The following DMD variants were observed in gnomAD, a reference collection of about 807,000 sequenced individuals.
DMD encodes the protein mutant dystrophin.
In DMD, 63 loss-of-function variants were observed where a neutral mutation model predicts 330.1. That is an observed-to-expected ratio of 0.19 (90% CI 0.16 to 0.24). DMD has a LOEUF of 0.24. Among genes scored for constraint, DMD ranks in the 10% least tolerant of loss-of-function variants. The pLI, the probability that DMD is intolerant of heterozygous loss-of-function variation, is 1.00. For missense variants in DMD, 3,344 were observed against 2,684.1 expected, an observed-to-expected ratio of 1.25 and a Z score of -5.43; for synonymous variants, 1,223 against 959.8, an observed-to-expected ratio of 1.27 and a Z score of -5.07.
chrX:32,309,094 T>C (rs185595085), intron 42 of DMD, among the ~76,000 whole-genome samples: 280 of 111,377 alleles, frequency 2.5e-3, no homozygotes, highest in African/African-American at 8.5e-3. Context: ...TATTTTACTG[T>C]GTAATTTTAT....
intron 13 of DMD, among the ~76,000 whole-genome samples, chrX:32,593,085 C>A (rs1383236198): frequency 1.8e-5 from 2 of 112,853 alleles, no homozygotes. Flanking sequence ...GCCAGTAGTG[C>A]AAGCCAAGCA....
intron 2 of DMD, among the ~76,000 whole-genome samples, chrX:32,957,563 G>A (rs1450791021): frequency 5.4e-5 from 6 of 111,636 alleles, no homozygotes; most frequent in Non-Finnish European, 1.1e-4. Context: ...AAACAACTAG[G>A]CCAAAGTAAA....
Position 32,006,882 on chromosome X carries a change from C to A in DMD, c.6439-38368G>T, listed in dbSNP as rs774637729. Among the ~76,000 whole-genome samples, 6 of 108,903 alleles carry A rather than the reference C, an allele frequency of 5.5e-5. No individual in the cohort carries two copies. The East Asian group carries it at 1.8e-3, about 32-fold the overall frequency. The allele number at this position is 108,903 out of a possible 115,157, so 94.6% of individuals were successfully genotyped here. A position where few individuals can be genotyped will look rare whatever the true frequency, so the allele number is the denominator to read the frequency against. ...CACATATACACCATGGAATACTATG[C>A]AGCCATAAAAAAATGATGAGTTCAT... On this transcript the variant is annotated intron_variant, in intron 44 of 78. Transcript: ENST00000357033.
intron 47 of DMD, among the ~76,000 whole-genome samples, chrX:31,886,789 T>C (rs916828326): frequency 5.4e-5 from 6 of 111,876 alleles, no homozygotes; most frequent in African/African-American, 1.6e-4. Flanking sequence ...TAAAACATTT[T>C]AGTGCACTTA....
At chrX:33,200,825 A>G (rs1214927800) in intron 1 of DMD, among the ~76,000 whole-genome samples, 1 of 109,697 alleles carries the variant, frequency 9.1e-6, no homozygotes, top group Non-Finnish European at 1.9e-5. Context: ...TTTTAAATAA[A>G]TGTTAAAATT....
chrX:31,861,638 CTGTGTGTGTGTG>C (rs1556949987), intron 48 of DMD, among the ~76,000 whole-genome samples: 1 of 83,106 alleles, frequency 1.2e-5, no homozygotes, highest in Non-Finnish European at 2.2e-5. Context: ...AAATAATCAC[CTGTGTGTGTGTG>C]TGTGTGTGTG....
chrX:33,302,006 C>T (rs1388567709), intron 1 of DMD, among the ~76,000 whole-genome samples: 2 of 111,401 alleles, frequency 1.8e-5, no homozygotes, highest in African/African-American at 6.5e-5. Context: ...CATTTTTCTA[C>T]ACACATATTT....
chrX:33,093,127 G>A (rs970774616), intron 1 of DMD, among the ~76,000 whole-genome samples: 4 of 111,522 alleles, frequency 3.6e-5, no homozygotes, highest in Admixed American at 1.9e-4. Flanking sequence ...CACCCGCCTC[G>A]GCCTCCCAAA....
At chrX:32,799,419 C>T (rs986849419) in intron 7 of DMD, among the ~76,000 whole-genome samples, 7 of 111,154 alleles carry the variant, frequency 6.3e-5, no homozygotes, top group Admixed American at 4.8e-4. Flanking sequence ...AGAACATTTC[C>T]ATATCATATT....
At chrX:31,556,690 CA>C (rs2074860128) in intron 55 of DMD, among the ~76,000 whole-genome samples, 1 of 110,585 alleles carries the variant, frequency 9.0e-6, no homozygotes. Context: ...ACGTTCGTTC[CA>C]AAAATATTAA....
chrX:33,219,412 A>T (rs1264796046), intron 1 of DMD, among the ~76,000 whole-genome samples: 5 of 102,045 alleles, frequency 4.9e-5, no homozygotes, highest in African/African-American at 1.4e-4. Context: ...TAGTAAGTAG[A>T]TATCTGGAAC....
intron 64 of DMD, among the ~76,000 whole-genome samples, chrX:31,214,548 G>A (rs191002985): frequency 2.7e-5 from 3 of 111,499 alleles, no homozygotes; most frequent in Non-Finnish European, 3.8e-5. Context: ...CACTTACATC[G>A]GCCTACAGTT....
chrX:32,323,645 T>A (rs2097633471), intron 41 of DMD, among the ~76,000 whole-genome samples: 1 of 111,848 alleles, frequency 8.9e-6, no homozygotes, highest in African/African-American at 3.2e-5. Context: ...AATATAGGCA[T>A]AAAATTGTTG....
chrX:31,556,599 A>AG (rs1465336376), intron 55 of DMD, among the ~76,000 whole-genome samples: 43 of 110,154 alleles, frequency 3.9e-4, no homozygotes, highest in Non-Finnish European at 6.4e-4. Context: ...ATTGAGAAAA[A>AG]GTCTTTAAAT....
intron 2 of DMD, among the ~76,000 whole-genome samples, chrX:33,009,912 G>T (rs375210180): frequency 1.6e-5 from 1 of 60,946 alleles, no homozygotes; most frequent in East Asian, 8.5e-4. Flanking sequence ...GTGTATATGT[G>T]TATATGTGTG....
chrX:32,993,035 GC>G (rs1386984426), intron 2 of DMD, among the ~76,000 whole-genome samples: 1 of 111,287 alleles, frequency 9.0e-6, no homozygotes, highest in Non-Finnish European at 1.9e-5. Context: ...GTTGGGGATT[GC>G]CCCTTTGGCA....
At chrX:31,283,116 CAG>C (rs2052749007) in intron 62 of DMD, among the ~76,000 whole-genome samples, 1 of 111,129 alleles carries the variant, frequency 9.0e-6, no homozygotes, top group Admixed American at 9.6e-5. Context: ...TGAAAGAACT[CAG>C]AGAATTTGAT....
intron 2 of DMD, among the ~76,000 whole-genome samples, chrX:32,914,354 A>T (rs1299202699): frequency 4.5e-5 from 5 of 112,312 alleles, no homozygotes; most frequent in Non-Finnish European, 9.4e-5. Flanking sequence ...GGTACAGACC[A>T]GAGCTTGAGA....
intron 1 of DMD, among the ~76,000 whole-genome samples, chrX:33,088,265 G>A (rs1569553679): frequency 9.0e-6 from 1 of 110,892 alleles, no homozygotes; most frequent in Non-Finnish European, 1.9e-5. Context: ...AGCTGGTGTC[G>A]AACTCCTGAC....
Sources: allele counts gnomAD v4.1 joint callset (sites outside exome capture counted in the v4.1 genomes callset), GRCh38; gene constraint gnomAD v4.1.1; transcripts MANE v1.5; gene names NCBI Gene and HGNC (gene_info 2026-07-23, HGNC 2026-07-21).